OR51L1: variants seen among roughly 807,000 people sequenced by gnomAD.
The protein encoded by OR51L1 is olfactory receptor family 51 subfamily L member 1.
In OR51L1, 1 loss-of-function variant was observed where a neutral mutation model predicts 1.4. The ratio of observed to expected loss-of-function variants is 0.72; its 90% CI spans 0.26 to 3.42. The LOEUF is 3.42. Among genes scored for constraint, OR51L1 ranks in the 30% most tolerant of loss-of-function variants. The pLI, the probability that OR51L1 is intolerant of heterozygous loss-of-function variation, is 0.20. For synonymous variants in OR51L1, 156 were observed against 144.2 expected (o/e 1.08, Z -0.59); for missense variants, 378 against 380.0 (o/e 0.99, Z 0.04).
At chr11:4,996,721 T>TTTTCTTTTCTTTTCTTTCTTTC (rs773262061) in intron 1 of OR51L1, among the ~76,000 whole-genome samples, 10 of 106,276 alleles carry the variant, frequency 9.4e-5, no homozygotes, top group Non-Finnish European at 1.7e-4. Flanking sequence ...CTTTCTTTTC[T>TTTTCTTTTCTTTTCTTTCTTTC]TTTCTTTCTT....
chr11:4,998,617 A>G (rs545578573), intron 2 of OR51L1, among the ~76,000 whole-genome samples: 4 of 152,164 alleles, frequency 2.6e-5, no homozygotes, highest in Non-Finnish European at 4.4e-5. Context: ...ATACAAATCC[A>G]TCGACATTCA....
rs1447756527 is a variant in OR51L1 at position 5,000,520 on chromosome 11, A to C, written c.*590A>C. ...GTGTCCTTTCTCTCATTGCTATTCT[A>C]GATCTATCAGCTTCCTCAATTTGCC... is the stretch of plus-strand genomic sequence containing the variant. On this transcript the variant is annotated 3_prime_UTR_variant, in exon 3 of 3. Coordinates refer to ENST00000641819, the MANE Select transcript of OR51L1 (RefSeq NM_001004755.2). 1 of 152,336 alleles carries C rather than the reference A, an allele frequency of 6.6e-6. No homozygotes were observed. The allele number at this position is 152,336 out of a possible 1,614,324, so 9.4% of individuals were successfully genotyped here.
rs776035490 is a variant in OR51L1, at chr11:4,999,596, T to C, written c.614T>C (p.Val205Ala). Residue 205 changes from valine (V) to alanine (A), a missense_variant, in exon 3 of 3, where the codon GTC (valine) becomes GCC (alanine). Physicochemically the swap from Val to Ala is moderately conservative, Grantham distance 64. Transcript: ENST00000641819. ...AACAGTATTTATGGGCTTTGTGTAG[T>C]CATTGCCACACTAGGTGTGGATTCA... ...RTNSIYGLCV[V>A]IATLGVDSIF... 1 of 1,614,046 alleles carries C rather than the reference T, an allele frequency of 6.2e-7. No homozygotes were observed. The highest frequency in any genetic ancestry group is 1.7e-5 in the Admixed American group (1 of 60,014).
Position 5,003,601 on chromosome 11 carries a change from A to T in OR51L1, c.*3671A>T, listed in dbSNP as rs1430124887. ...GCTAGAGCCCTTTCCTGCCCCACTC[A>T]TGCCTAACTACCTGTAACATAGAAA... On this transcript the variant is annotated 3_prime_UTR_variant, in exon 3 of 3. Transcript: ENST00000641819. The T allele has an allele frequency of 6.6e-6, 1 of 152,100 alleles. No homozygotes were observed. Among genetic ancestry groups the T allele is most frequent in the Non-Finnish European group, 1.5e-5 (1 of 68,004 alleles). 9.4% of individuals were successfully genotyped at this position (152,100 alleles called of 1,614,324 possible). A position where few individuals can be genotyped will look rare whatever the true frequency, so the allele number is the denominator to read the frequency against.
rs1847150988 is a variant in OR51L1, at chr11:5,003,617, A to G, written c.*3687A>G. ...GCCCCACTCATGCCTAACTACCTGT[A>G]ACATAGAAAGATAAAATAAAATTCT... On this transcript the variant is annotated 3_prime_UTR_variant, in exon 3 of 3. Coordinates refer to ENST00000641819, the MANE Select transcript of OR51L1 (RefSeq NM_001004755.2). 2.6e-5 allele frequency: 4 copies of G among 152,138 alleles called. No individual in the cohort carries two copies. The South Asian group carries it at 8.3e-4, about 32-fold the overall frequency. The allele number at this position is 152,138 out of a possible 1,614,324, so 9.4% of individuals were successfully genotyped here.
rs1278592856 is a variant in OR51L1 at position 4,995,327 on chromosome 11, A to G, written c.-270A>G. 1 of 152,098 alleles carries G rather than the reference A, an allele frequency of 6.6e-6. No homozygotes were observed. The highest frequency in any genetic ancestry group is 1.9e-4 in the East Asian group (1 of 5,196). The allele number at this position is 152,098 out of a possible 1,614,324, so 9.4% of individuals were successfully genotyped here. A position where few individuals can be genotyped will look rare whatever the true frequency, so the allele number is the denominator to read the frequency against. ...ATATTGATTCAATTGCCTTATATTT[A>G]AATTTCAGGTAAGTGTGAATTTTTA... On this transcript the variant is annotated 5_prime_UTR_variant, in exon 1 of 3. Coordinates refer to ENST00000641819, the MANE Select transcript of OR51L1 (RefSeq NM_001004755.2).
chr11:4,996,740 T>TCTTC (rs1847075477), intron 1 of OR51L1, among the ~76,000 whole-genome samples: 1 of 149,862 alleles, frequency 6.7e-6, no homozygotes, highest in Non-Finnish European at 1.5e-5. Context: ...TTTCTTTCTT[T>TCTTC]CTTTCTTTCT....
At position 4,995,473 on chromosome 11, in the gene OR51L1, C is replaced by T. The variant is rs1047954773; in HGVS notation, c.-262+138C>T. ...CAAAAGGAAAAAGAATTATTCTCAT[C>T]TGTGAAAAAAATTAAATTTATTACA... On this transcript the variant is annotated intron_variant, in intron 1 of 2. Coordinates refer to ENST00000641819, the MANE Select transcript of OR51L1 (RefSeq NM_001004755.2). 6 of 152,048 alleles carry T rather than the reference C, an allele frequency of 3.9e-5. No homozygotes were observed. In the East Asian group the frequency reaches 5.8e-4, roughly 15 times the overall value. 9.4% of individuals were successfully genotyped at this position (152,048 alleles called of 1,614,324 possible). A position where few individuals can be genotyped will look rare whatever the true frequency, so the allele number is the denominator to read the frequency against.
In OR51L1 at chr11:5,000,137, A is replaced by G. The variant is rs113496682; in HGVS notation, c.*207A>G. 2,251 of 506,270 alleles carry G rather than the reference A, an allele frequency of 4.4e-3. 34 individuals are homozygous for G. The highest frequency in any genetic ancestry group is 0.025 in the African/African-American group (1,298 of 52,694). The allele number at this position is 506,270 out of a possible 1,614,324, so 31.4% of individuals were successfully genotyped here. Reference sequence around the variant, plus strand: ...ACAACTATGGCCTTACGTTGTCCCCAGGTCATTACAAGACTTATAATAGAA... The same window carrying G: ...ACAACTATGGCCTTACGTTGTCCCCGGGTCATTACAAGACTTATAATAGAA... On this transcript the variant is annotated 3_prime_UTR_variant, in exon 3 of 3. Coordinates refer to ENST00000641819, the MANE Select transcript of OR51L1 (RefSeq NM_001004755.2).
chr11:4,997,990 AAATC>A (rs879692197), intron 2 of OR51L1, among the ~76,000 whole-genome samples: 3 of 152,132 alleles, frequency 2.0e-5, no homozygotes, highest in Admixed American at 6.6e-5. Flanking sequence ...TTGGAAACAG[AAATC>A]AATCAATCAA....
chr11:4,999,708 A>C lies in OR51L1; in HGVS notation c.726A>C (p.Thr242=), dbSNP rs138409521. ...SREEQLKALN[T]CVSHICVVLI... Reference sequence around the variant, plus strand: ...AAGAGCAGCTAAAGGCACTCAACACATGTGTATCCCATATCTGTGTGGTGC... The same window carrying C: ...AAGAGCAGCTAAAGGCACTCAACACCTGTGTATCCCATATCTGTGTGGTGC... The change falls in exon 3 of 3, where the codon ACA becomes ACC. Residue 242 remains threonine (T), a synonymous_variant. Coordinates refer to ENST00000641819, the MANE Select transcript of OR51L1 (RefSeq NM_001004755.2). 2.5e-6 allele frequency: 4 copies of C among 1,613,746 alleles called. No homozygotes were observed. In the African/African-American group the frequency reaches 5.3e-5, roughly 22 times the overall value.
Position 4,999,814 on chromosome 11 carries a change from A to G in OR51L1, c.832A>G (p.Met278Val), listed in dbSNP as rs1847111964. Residue 278 changes from methionine to valine, a missense_variant, in exon 3 of 3, where the codon ATG becomes GTG. By Grantham distance (21) the Met-to-Val change is conservative. Coordinates refer to ENST00000641819, the MANE Select transcript of OR51L1 (RefSeq NM_001004755.2). ...TCTGTCTCCCATAGTCCACATCCTC[A>G]TGGCAGACATCTACCTTCTTCTTCC... ...KHLSPIVHIL[M>V]ADIYLLLPPV... The G allele has an allele frequency of 1.1e-5, 18 of 1,613,900 alleles. No homozygotes were observed. Among genetic ancestry groups the G allele is most frequent in the Admixed American group, 1.7e-5 (1 of 59,980 alleles).
rs1196090969 is a variant in OR51L1 at position 5,003,061 on chromosome 11, A to G, written c.*3131A>G. 1 of 152,230 alleles carries G rather than the reference A, an allele frequency of 6.6e-6. No individual in the cohort carries two copies. The highest frequency in any genetic ancestry group is 1.5e-5 in the Non-Finnish European group (1 of 68,048). 9.4% of individuals were successfully genotyped at this position (152,230 alleles called of 1,614,324 possible). ...AAGAAAGAAATTGACTGAGGGGCAT[A>G]AGGCAGAGAAAGAGATCAAGGCAAG... On this transcript the variant is annotated 3_prime_UTR_variant, in exon 3 of 3. Transcript: ENST00000641819.
At chr11:4,997,165 T>C (rs1018160974) in intron 1 of OR51L1, among the ~76,000 whole-genome samples, 1 of 152,030 alleles carries the variant, frequency 6.6e-6, no homozygotes, top group African/African-American at 2.4e-5. Context: ...TGGGTAAAAG[T>C]AGAAAAAGAG....
At chr11:4,998,310 A>G (rs963707528) in intron 2 of OR51L1, among the ~76,000 whole-genome samples, 2 of 151,936 alleles carry the variant, frequency 1.3e-5, no homozygotes, top group Non-Finnish European at 2.9e-5. Context: ...TAGTTGCTAT[A>G]CTAAACAGCT....
chr11:4,999,721 ATCTGTGTGGTGCTTATCT>A lies in OR51L1; in HGVS notation c.743_760del (p.Cys248_Phe253del), dbSNP rs1464265134. On this transcript the variant is annotated inframe_deletion, in exon 3 of 3. Transcript: ENST00000641819. Reference sequence around the variant, plus strand: ...GGCACTCAACACATGTGTATCCCATATCTGTGTGGTGCTTATCTTCTTTGTGCCAGTTATTGGGGTGTC... The same window carrying A: ...GGCACTCAACACATGTGTATCCCATATCTTTGTGCCAGTTATTGGGGTGTC... The A allele has an allele frequency of 6.2e-7, 1 of 1,613,982 alleles. No homozygotes were observed. The highest frequency in any genetic ancestry group is 1.1e-5 in the South Asian group (1 of 91,070).
intron 2 of OR51L1, among the ~76,000 whole-genome samples, chr11:4,998,189 TCACAAA>T (rs1481791525): frequency 9.7e-5 from 9 of 92,786 alleles, no homozygotes; most frequent in Admixed American, 2.4e-4. Context: ...AACTCTTATT[TCACAAA>T]CACACACACA....
intron 1 of OR51L1, among the ~76,000 whole-genome samples, chr11:4,996,776 C>CTTTCATT (rs1847077138): frequency 9.3e-5 from 5 of 53,820 alleles, no homozygotes; most frequent in East Asian, 6.2e-4. Context: ...TTTCATTTCT[C>CTTTCATT]TCTCTCTGTT....
chr11:5,000,494 T>G lies in OR51L1; in HGVS notation c.*564T>G, dbSNP rs1847120386. ...AAGTTCTAATCTCATCACTTAGTGA[T>G]GTGTCCTTTCTCTCATTGCTATTCT... On this transcript the variant is annotated 3_prime_UTR_variant, in exon 3 of 3. Coordinates refer to ENST00000641819, the MANE Select transcript of OR51L1 (RefSeq NM_001004755.2). 1 of 152,758 alleles carries G rather than the reference T, an allele frequency of 6.5e-6. No individual in the cohort carries two copies. The highest frequency in any genetic ancestry group is 6.5e-5 in the Admixed American group (1 of 15,366). The allele number at this position is 152,758 out of a possible 1,614,324, so 9.5% of individuals were successfully genotyped here. A position where few individuals can be genotyped will look rare whatever the true frequency, so the allele number is the denominator to read the frequency against.
Sources: allele counts gnomAD v4.1 joint callset (sites outside exome capture counted in the v4.1 genomes callset), GRCh38; gene constraint gnomAD v4.1.1; transcripts MANE v1.5; gene names NCBI Gene and HGNC (gene_info 2026-07-23, HGNC 2026-07-21).